Variants in GIGYF2 observed in about 807,000 individuals in gnomAD.
The protein encoded by GIGYF2 is GRB10 interacting GYF protein 2.
In GIGYF2, 25 loss-of-function variants were observed where a neutral mutation model predicts 208.1. The observed-to-expected ratio is 0.12, with a 90% CI of 0.09 to 0.17. The LOEUF is 0.17. Ranked by LOEUF, GIGYF2 falls within the 10% of genes least tolerant of loss-of-function variation. GIGYF2 has a pLI of 1.00. For missense variants in GIGYF2, 1,302 were observed against 1,579.4 expected (o/e 0.82, Z 2.98); for synonymous variants, 534 against 543.8 (o/e 0.98, Z 0.25).
At chr2:232,816,688 G>A (rs758718475) in intron 19 of GIGYF2, among the ~76,000 whole-genome samples, 183 bp from the exon 20 acceptor site, 68 of 152,322 alleles carry the variant, frequency 4.5e-4, no homozygotes, top group Non-Finnish European at 8.5e-4. Context: ...AGGTTGAATA[G>A]TATTAATATT....
chr2:232,821,036 T>C (rs1701064846), intron 21 of GIGYF2, among the ~76,000 whole-genome samples: 1 of 152,144 alleles, frequency 6.6e-6, no homozygotes, highest in African/African-American at 2.4e-5. Flanking sequence ...TTTTGCCTTG[T>C]TGGCAGGCTG....
intron 26 of GIGYF2, among the ~76,000 whole-genome samples, chr2:232,846,340 TA>T (rs771590355): frequency 7.2e-5 from 11 of 152,196 alleles, no homozygotes; most frequent in Non-Finnish European, 1.5e-4. Flanking sequence ...TTGTGTAAGA[TA>T]AAACTAGGAC....
intron 22 of GIGYF2, among the ~76,000 whole-genome samples, chr2:232,834,757 T>C (rs1191068999): frequency 6.6e-6 from 1 of 152,218 alleles, no homozygotes; most frequent in Non-Finnish European, 1.5e-5. Context: ...CTCTATTCTT[T>C]GTGTAATCTG....
chr2:232,811,517 G>A (rs1230994397), intron 17 of GIGYF2, among the ~76,000 whole-genome samples, 166 bp downstream of exon 17: 1 of 152,134 alleles, frequency 6.6e-6, no homozygotes, highest in Non-Finnish European at 1.5e-5. Context: ...TATTTCAGGT[G>A]GAGATAAGCG....
chr2:232,779,288 AT>A (rs1418788660), intron 8 of GIGYF2, among the ~76,000 whole-genome samples: 1 of 152,234 alleles, frequency 6.6e-6, no homozygotes, highest in Non-Finnish European at 1.5e-5. Flanking sequence ...CAAAATTATA[AT>A]GATTAAATTA....
intron 1 of GIGYF2, among the ~76,000 whole-genome samples, chr2:232,700,258 T>G (rs565741410): frequency 1.3e-5 from 2 of 152,266 alleles, no homozygotes; most frequent in African/African-American, 4.8e-5. Flanking sequence ...TTCCTCTTGT[T>G]TTTCTATTGT....
At chr2:232,830,538 C>T (rs1701398134) in intron 21 of GIGYF2, among the ~76,000 whole-genome samples, 1 of 152,116 alleles carries the variant, frequency 6.6e-6, no homozygotes, top group Non-Finnish European at 1.5e-5. Context: ...CACACAGTTT[C>T]CCCTGCTGTT....
chr2:232,768,370 G>A lies in GIGYF2; in HGVS notation c.532+6934G>A, dbSNP rs771899391. ...TCACCTTTGGAACCTCGGGTCAACA[G>A]AGATGCAAAACAGTGATGTAACATG... On this transcript the variant is annotated intron_variant, in intron 8 of 28. Transcript: ENST00000373563. The A allele has an allele frequency of 8.7e-6, 14 of 1,614,046 alleles. No individual in the cohort carries two copies. The Admixed American group carries it at 2.3e-4, about 27-fold the overall frequency.
intron 22 of GIGYF2, among the ~76,000 whole-genome samples, chr2:232,836,297 T>A (rs868102720): frequency 3.7e-4 from 8 of 21,668 alleles, no homozygotes; most frequent in Admixed American, 1.8e-3. Context: ...TATATATATA[T>A]ATATATATAT....
intron 28 of GIGYF2, among the ~76,000 whole-genome samples, chr2:232,854,288 T>C (rs1052911073): frequency 1.3e-5 from 2 of 152,056 alleles, no homozygotes; most frequent in African/African-American, 4.8e-5. Context: ...AATCCAGGAG[T>C]TGGGGACCAG....
intron 2 of GIGYF2, among the ~76,000 whole-genome samples, chr2:232,727,036 C>T (rs985274671): frequency 6.6e-6 from 1 of 152,208 alleles, no homozygotes; most frequent in African/African-American, 2.4e-5. Context: ...ACGATGTCAG[C>T]TCACTGTAGC....
intron 8 of GIGYF2, among the ~76,000 whole-genome samples, chr2:232,769,271 CTG>C (rs1377445842): frequency 6.6e-6 from 1 of 152,088 alleles, no homozygotes; most frequent in Non-Finnish European, 1.5e-5. Flanking sequence ...TGTCTCACGC[CTG>C]TAATCCCGGC....
intron 5 of GIGYF2, among the ~76,000 whole-genome samples, chr2:232,750,850 G>T (rs1387979385): frequency 6.6e-6 from 1 of 151,992 alleles, no homozygotes; most frequent in Non-Finnish European, 1.5e-5. Flanking sequence ...CTGGAGTATA[G>T]TGAGGGTCTC....
intron 2 of GIGYF2, among the ~76,000 whole-genome samples, chr2:232,732,297 A>G (rs1235009378): frequency 6.6e-6 from 1 of 152,236 alleles, no homozygotes; most frequent in East Asian, 1.9e-4. Flanking sequence ...GCAAACCATA[A>G]CAGACTCCAT....
At position 232,858,962 on chromosome 2, in the gene GIGYF2, T is replaced by C. The variant is rs1690675147; in HGVS notation, c.*2102T>C. On this transcript the variant is annotated 3_prime_UTR_variant, in exon 29 of 29. Transcript: ENST00000373563. ...TTCCCAACTAGACTCTGTGTGTGTA[T>C]TCAGGAAAAATGAAAATAAATTTTT... 6.5e-6 allele frequency: 1 copy of C among 154,232 alleles called. No individual in the cohort carries two copies. The highest frequency in any genetic ancestry group is 2.4e-5 in the African/African-American group (1 of 41,430). 9.6% of individuals were successfully genotyped at this position (154,232 alleles called of 1,614,324 possible).
At chr2:232,845,475 A>G (rs1037958758) in intron 25 of GIGYF2, among the ~76,000 whole-genome samples, 13 of 152,210 alleles carry the variant, frequency 8.5e-5, no homozygotes, top group African/African-American at 3.1e-4. Flanking sequence ...CAACTTACCT[A>G]AGGACACGTA....
At chr2:232,757,094 G>T (rs1698577099) in intron 6 of GIGYF2, among the ~76,000 whole-genome samples, 2 of 152,110 alleles carry the variant, frequency 1.3e-5, no homozygotes, top group South Asian at 4.1e-4. Flanking sequence ...TGAGACCATT[G>T]TCTCTGCATA....
chr2:232,767,850 T>A, intron 8 of GIGYF2: 1 of 278,018 alleles, frequency 3.6e-6, no homozygotes, highest in Non-Finnish European at 6.9e-6. Flanking sequence ...GATTAATGGT[T>A]GATTTTCTTA....
At chr2:232,805,557 T>C (rs1700535708) in intron 14 of GIGYF2, among the ~76,000 whole-genome samples, 1 of 152,256 alleles carries the variant, frequency 6.6e-6, no homozygotes, top group Admixed American at 6.5e-5. Flanking sequence ...TCAGTCTGCC[T>C]ACTTTGTTAT....
Sources: allele counts gnomAD v4.1 joint callset (sites outside exome capture counted in the v4.1 genomes callset), GRCh38; gene constraint gnomAD v4.1.1; transcripts MANE v1.5; gene names NCBI Gene and HGNC (gene_info 2026-07-23, HGNC 2026-07-21).